Variants in COL4A3 observed in about 807,000 individuals in gnomAD.
COL4A3 encodes the protein collagen type IV alpha 3 chain, also known as collagen alpha-3(IV) chain.
A neutral mutation model predicts 217.4 loss-of-function variants in COL4A3; 135 were observed. That is an observed-to-expected ratio of 0.62 (90% CI 0.54 to 0.72). The LOEUF is 0.72. Ranked by LOEUF, COL4A3 falls within the 30% of genes least tolerant of loss-of-function variation. The pLI, the probability that COL4A3 is intolerant of heterozygous loss-of-function variation, is 0.00. For synonymous variants in COL4A3, 690 were observed against 736.3 expected (o/e 0.94, Z 1.02); for missense variants, 1,868 against 2,119.9 (o/e 0.88, Z 2.33).
rs1379451177 is a variant in COL4A3, at chr2:227,250,113, G to GACCA, written c.547-1026_547-1023dup. Among the ~76,000 whole-genome samples, 5 of 152,090 alleles carry GACCA rather than the reference G, an allele frequency of 3.3e-5. No individual in the cohort carries two copies. The highest frequency in any genetic ancestry group is 5.9e-5 in the Non-Finnish European group (4 of 68,024). ...GGATCACTTGAGGTCAGGAGTTTGAGACCAGCCTGGCCAACACGCTGAAAC... is the reference window on the plus strand; with the variant it reads ...GGATCACTTGAGGTCAGGAGTTTGAGACCAACCAGCCTGGCCAACACGCTGAAAC... On this transcript the variant is annotated intron_variant, in intron 9 of 51. Coordinates refer to ENST00000396578, the MANE Select transcript of COL4A3 (RefSeq NM_000091.5). The surrounding 1 kb of genome is among the most constrained non-coding windows in gnomAD (Gnocchi z 4.1).
At chr2:227,178,413 T>C (rs1048203094) in intron 1 of COL4A3, among the ~76,000 whole-genome samples, 1 of 152,110 alleles carries the variant, frequency 6.6e-6, no homozygotes, top group African/African-American at 2.4e-5. Context: ...AAAAGAAATG[T>C]GTGTATACTA....
intron 1 of COL4A3, among the ~76,000 whole-genome samples, chr2:227,172,103 C>T (rs370067114): frequency 2.0e-5 from 3 of 152,136 alleles, no homozygotes; most frequent in East Asian, 1.9e-4. Flanking sequence ...AGTTAAACTC[C>T]GCCATTTTGC....
At chr2:227,257,033 G>A (rs527822743) in intron 17 of COL4A3, among the ~76,000 whole-genome samples, 111 of 152,278 alleles carry the variant, frequency 7.3e-4, no homozygotes, top group African/African-American at 2.5e-3. Flanking sequence ...GGGTATTTGT[G>A]TATCTAAACA....
chr2:227,208,636 AATG>A (rs896785911), intron 1 of COL4A3, among the ~76,000 whole-genome samples: 2 of 152,308 alleles, frequency 1.3e-5, no homozygotes, highest in African/African-American at 4.8e-5. Context: ...TGAGTTGAGT[AATG>A]ATGAATATTC....
At position 227,307,837 on chromosome 2, in the gene COL4A3, T is replaced by C. The variant is rs114430490; in HGVS notation, c.4380T>C (p.Cys1460=). ...GTCAAACCACAGCAATTCCTTCATG[T>C]CCAGAGGGGACAGTGCCACTCTACA... The part of the protein sequence containing the change: ...RHSQTTAIPS[C]PEGTVPLYSG... Residue 1460 remains cysteine (C), a synonymous_variant, in exon 48 of 52, where the codon TGT becomes TGC. Transcript: ENST00000396578. The C allele has an allele frequency of 8.2e-4, 1,328 of 1,614,184 alleles. 14 individuals carry two copies. The African/African-American group carries it at 0.016, about 20-fold the overall frequency.
chr2:227,190,222 A>G (rs2066180402), intron 1 of COL4A3, among the ~76,000 whole-genome samples: 1 of 152,280 alleles, frequency 6.6e-6, no homozygotes, highest in Non-Finnish European at 1.5e-5. Context: ...AGGCACATGC[A>G]GGTCCCTCAA....
chr2:227,244,754 T>A, intron 4 of COL4A3, 197 bp from the exon 5 acceptor site: 1 of 759,798 alleles, frequency 1.3e-6, no homozygotes, highest in Non-Finnish European at 2.3e-6. Context: ...AATGATATCT[T>A]TTTAAGAGTT....
intron 1 of COL4A3, among the ~76,000 whole-genome samples, chr2:227,183,540 G>A (rs979107968): frequency 1.5e-4 from 23 of 152,064 alleles, no homozygotes; most frequent in Non-Finnish European, 2.4e-4. Context: ...GGCATTAGGG[G>A]GCATACAGGT....
intron 6 of COL4A3, 60 bp from the exon 7 acceptor site, chr2:227,246,625 T>C (rs2069355934): frequency 1.4e-6 from 2 of 1,392,548 alleles, no homozygotes; most frequent in Non-Finnish European, 2.0e-6. Context: ...ACAGGAAAAA[T>C]ATCTGAATAG....
At position 227,266,431 on chromosome 2, in the gene COL4A3, C is replaced by T. The variant is rs773914532; in HGVS notation, c.1330C>T (p.Arg444Cys). The T allele has an allele frequency of 1.3e-5, 21 of 1,613,804 alleles. No individual in the cohort carries two copies. Among genetic ancestry groups the T allele is most frequent in the Admixed American group, 3.3e-5 (2 of 60,006 alleles). ...PPGPPGDIVF[R>C]KGPPGDHGLP... ...TATTTTTATAGGTGACATCGTTTTTCGCAAGGGTCCACCTGGAGATCACGG... is the reference window on the plus strand; with the variant it reads ...TATTTTTATAGGTGACATCGTTTTTTGCAAGGGTCCACCTGGAGATCACGG... Residue 444 changes from arginine to cysteine, a missense_variant, in exon 22 of 52, where the codon CGC becomes TGC. Arg to Cys is a radical substitution (Grantham distance 180). Coordinates refer to ENST00000396578, the MANE Select transcript of COL4A3 (RefSeq NM_000091.5).
intron 1 of COL4A3, among the ~76,000 whole-genome samples, chr2:227,192,511 A>C (rs2066283749): frequency 6.6e-6 from 1 of 152,214 alleles, no homozygotes; most frequent in South Asian, 2.1e-4. Context: ...CATAAATGTG[A>C]ACCCCTGTCC....
intron 20 of COL4A3, 61 bp downstream of exon 20, chr2:227,261,178 C>T: frequency 4.4e-6 from 6 of 1,349,002 alleles, no homozygotes; most frequent in Non-Finnish European, 6.4e-6. Context: ...ATAAGCTGTC[C>T]TCTATTAAGT....
intron 1 of COL4A3, among the ~76,000 whole-genome samples, chr2:227,223,466 G>A (rs2067917968): frequency 6.6e-6 from 1 of 152,170 alleles, no homozygotes; most frequent in Admixed American, 6.5e-5. Context: ...AGGCACAGTG[G>A]CTCATGCCTA....
Position 227,284,211 on chromosome 2 carries a change from G to A in COL4A3, c.2747G>A (p.Gly916Glu). 1 of 1,614,034 alleles carries A rather than the reference G, an allele frequency of 6.2e-7. No homozygotes were observed. Among genetic ancestry groups the A allele is most frequent in the South Asian group, 1.1e-5 (1 of 91,070 alleles). The part of the protein sequence containing the change: ...PGNPGTPGQR[G>E]SPGIPGVKGQ... Reference sequence around the variant, plus strand: ...TGATGTTGTTACTCCTGTCTGTTAGGGAGCCCTGGAATTCCAGGAGTAAAG... The same window carrying A: ...TGATGTTGTTACTCCTGTCTGTTAGAGAGCCCTGGAATTCCAGGAGTAAAG... Residue 916 changes from glycine (G) to glutamate (E), a missense_variant and splice_region_variant, in exon 34 of 52, where the codon GGG becomes GAG. This residue lies in a region of COL4A3 where 1,503 missense variants were observed against 1,786.1 expected (regional missense o/e 0.84). Coordinates refer to ENST00000396578, the MANE Select transcript of COL4A3 (RefSeq NM_000091.5).
At chr2:227,235,433 C>G (rs951196832) in intron 1 of COL4A3, among the ~76,000 whole-genome samples, 2 of 152,074 alleles carry the variant, frequency 1.3e-5, no homozygotes, top group African/African-American at 4.8e-5. Context: ...ATTTCCTTCT[C>G]AGTCGGTTAC....
At chr2:227,251,297 G>C in intron 10 of COL4A3, 39 bp from the exon 11 acceptor site, 2 of 1,610,208 alleles carry the variant, frequency 1.2e-6, no homozygotes, top group Non-Finnish European at 1.7e-6. Flanking sequence ...CTGGTTGGAT[G>C]CATTTCCTGC....
At chr2:227,272,905 A>G in intron 25 of COL4A3, 44 bp from the exon 26 acceptor site, 1 of 1,596,182 alleles carries the variant, frequency 6.3e-7, no homozygotes, top group Non-Finnish European at 8.6e-7. Context: ...TTGTAAGAAT[A>G]TACTGGAATG....
At chr2:227,203,270 T>TATATATAC (rs1491410866) in intron 1 of COL4A3, among the ~76,000 whole-genome samples, 3 of 20,914 alleles carry the variant, frequency 1.4e-4, no homozygotes, top group East Asian at 1.1e-3. Flanking sequence ...CATATATGTG[T>TATATATAC]ATATATGTGT....
In COL4A3 at chr2:227,309,928, G is replaced by C. The variant is rs182081764; in HGVS notation, c.4755+610G>C. ...AGGCATGAGTCACTGCACCCAGCCT[G>C]GAATGCCTATTTTTTATAAGATAAC... On this transcript the variant is annotated intron_variant, in intron 50 of 51. Transcript: ENST00000396578. Among the ~76,000 whole-genome samples the C allele has an allele frequency of 8.5e-4, 130 of 152,114 alleles. 1 individual carries two copies. The highest frequency in any genetic ancestry group is 2.7e-3 in the Admixed American group (42 of 15,276).
Sources: gnomAD v4.1 joint callset for allele counts (sites outside exome capture counted in the v4.1 genomes callset) on GRCh38, gnomAD v4.1.1 for gene constraint, gnomAD v4.1.1 regional missense constraint, Gnocchi (gnomAD v3.1) non-coding constraint, MANE v1.5 for transcripts, NCBI Gene and HGNC (gene_info 2026-07-23, HGNC 2026-07-21) for gene names.